The following CACNB2 variants were observed in gnomAD, a reference collection of about 807,000 sequenced individuals.
The protein encoded by CACNB2 is calcium voltage-gated channel auxiliary subunit beta 2.
A neutral mutation model predicts 73.3 loss-of-function variants in CACNB2; 42 were observed. That is an observed-to-expected ratio of 0.57 (90% CI 0.45 to 0.74). The LOEUF (loss-of-function observed/expected upper bound fraction) is 0.74, where lower values mean the gene tolerates loss of function less well. Ranked by LOEUF, CACNB2 falls within the 30% of genes least tolerant of loss-of-function variation. CACNB2 has a pLI of 0.00. For synonymous variants in CACNB2, 348 were observed against 310.3 expected (o/e 1.12, Z -1.28); for missense variants, 940 against 853.0 (o/e 1.10, Z -1.27).
intron 4 of CACNB2, 115 bp downstream of exon 4, chr10:18,498,592 T>A: frequency 2.0e-6 from 2 of 1,012,836 alleles, no homozygotes. Flanking sequence ...GCTGCAGTTG[T>A]ATAACACACA....
Position 18,295,998 on chromosome 10 carries a change from G to GTT in CACNB2, c.214-105901_214-105900dup, listed in dbSNP as rs34043231. Among the ~76,000 whole-genome samples, 79 of 60,784 alleles carry GTT rather than the reference G, an allele frequency of 1.3e-3. 4 individuals carry two copies. The highest frequency in any genetic ancestry group is 3.1e-3 in the East Asian group (5 of 1,638). The allele number at this position is 60,784 out of a possible 152,430, so 39.9% of individuals were successfully genotyped here. On this transcript the variant is annotated intron_variant, in intron 2 of 13. Transcript: ENST00000324631. Reference sequence around the variant, plus strand: ...TCAAAAATCACTATTCTTTTTGCGTGTTTTTTTTTTTTTTTTTTTTTTTTT... The same window carrying GTT: ...TCAAAAATCACTATTCTTTTTGCGTGTTTTTTTTTTTTTTTTTTTTTTTTTTT...
chr10:18,210,581 A>G (rs1034070249), intron 2 of CACNB2, among the ~76,000 whole-genome samples: 3 of 152,148 alleles, frequency 2.0e-5, no homozygotes, highest in Non-Finnish European at 2.9e-5. Context: ...CCACCTGTAT[A>G]ACGCTGAGTT....
chr10:18,508,581 A>G (rs995027361), intron 6 of CACNB2, among the ~76,000 whole-genome samples: 3 of 152,224 alleles, frequency 2.0e-5, no homozygotes, highest in Admixed American at 2.0e-4. Flanking sequence ...ACTTCTTTCT[A>G]TATACCAGAA....
intron 5 of CACNB2, among the ~76,000 whole-genome samples, chr10:18,503,765 G>T (rs1299521179): frequency 1.3e-5 from 2 of 152,180 alleles, no homozygotes; most frequent in Non-Finnish European, 2.9e-5. Flanking sequence ...CTTGTCAAAT[G>T]ACTTGAGAAA....
At chr10:18,502,301 C>G (rs1417627680) in intron 5 of CACNB2, among the ~76,000 whole-genome samples, 6 of 102,476 alleles carry the variant, frequency 5.9e-5, no homozygotes, top group Non-Finnish European at 1.1e-4. Flanking sequence ...GAGTGAGACT[C>G]TATCTCAAAA....
At chr10:18,281,885 C>G (rs1479071703) in intron 2 of CACNB2, among the ~76,000 whole-genome samples, 1 of 143,360 alleles carries the variant, frequency 7.0e-6, no homozygotes, top group Non-Finnish European at 1.5e-5. Context: ...GAGGCTAAGG[C>G]AGGAGAATCA....
chr10:18,503,417 T>C (rs2050314319), intron 5 of CACNB2, among the ~76,000 whole-genome samples: 1 of 152,102 alleles, frequency 6.6e-6, no homozygotes, highest in South Asian at 2.1e-4. Flanking sequence ...GTCAATATGG[T>C]GAAACCCTGT....
At chr10:18,281,293 C>G (rs2131699856) in intron 2 of CACNB2, among the ~76,000 whole-genome samples, 1 of 152,300 alleles carries the variant, frequency 6.6e-6, no homozygotes, top group African/African-American at 2.4e-5. Flanking sequence ...AGGTCACACT[C>G]AAGATTATGA....
At chr10:18,193,908 A>G (rs1464390020) in intron 2 of CACNB2, among the ~76,000 whole-genome samples, 1 of 152,198 alleles carries the variant, frequency 6.6e-6, no homozygotes, top group Non-Finnish European at 1.5e-5. Context: ...ACATTGAGCA[A>G]TAAGCTTAAT....
chr10:18,141,545 A>G lies in CACNB2; in HGVS notation c.120+689A>G, dbSNP rs1329992534. Among the ~76,000 whole-genome samples, 16 of 152,022 alleles carry G rather than the reference A, an allele frequency of 1.1e-4. No homozygotes were observed. The Admixed American group carries it at 1.1e-3, about 10-fold the overall frequency. On this transcript the variant is annotated intron_variant, in intron 1 of 13. Transcript: ENST00000324631. ...TCTCCCCTGAAATGTTAGCCATTTCAGGGATCTCCAGGATCCCCTTTCTCT... is the reference window on the plus strand; with the variant it reads ...TCTCCCCTGAAATGTTAGCCATTTCGGGGATCTCCAGGATCCCCTTTCTCT...
chr10:18,367,800 T>A (rs2042417733), intron 2 of CACNB2, among the ~76,000 whole-genome samples: 1 of 152,220 alleles, frequency 6.6e-6, no homozygotes, highest in Admixed American at 6.5e-5. Context: ...TTAAACCATA[T>A]ACTTCTTTGA....
chr10:18,200,021 CAAGT>C (rs2034810310), intron 2 of CACNB2, among the ~76,000 whole-genome samples: 1 of 146,550 alleles, frequency 6.8e-6, no homozygotes, highest in Non-Finnish European at 1.5e-5. Flanking sequence ...AAAAAAGAAT[CAAGT>C]AAGATAATAG....
chr10:18,392,014 A>C (rs569313822), intron 2 of CACNB2, among the ~76,000 whole-genome samples: 2 of 152,100 alleles, frequency 1.3e-5, no homozygotes, highest in Admixed American at 6.5e-5. Flanking sequence ...GCTGCAATCA[A>C]TGGGGGTTAC....
intron 2 of CACNB2, among the ~76,000 whole-genome samples, chr10:18,385,827 G>A (rs913866554): frequency 2.6e-5 from 4 of 151,790 alleles, no homozygotes; most frequent in Admixed American, 2.6e-4. Context: ...TTTTTTATAT[G>A]TCCAAATGAT....
At chr10:18,402,977 G>T (rs942537214) in intron 3 of CACNB2, among the ~76,000 whole-genome samples, 1 of 152,318 alleles carries the variant, frequency 6.6e-6, no homozygotes, top group African/African-American at 2.4e-5. Flanking sequence ...GTGGTTAGGA[G>T]ATTCTGGTTT....
chr10:18,539,436 T>C lies in CACNB2; in HGVS notation c.1695T>C (p.Ser565=), dbSNP rs754860454. ...CGGAAACCCAGGAGAGTCGAGACTC[T>C]GCCTACGTAGAGCCAAAGGAAGATT... ...FDSETQESRD[S]AYVEPKEDYS... is the part of the protein sequence containing the mutation. Residue 565 remains serine (S), a synonymous_variant, in exon 14 of 14, where the codon TCT becomes TCC. Transcript: ENST00000324631. The C allele has an allele frequency of 6.2e-6, 10 of 1,613,902 alleles. No individual in the cohort carries two copies. The highest frequency in any genetic ancestry group is 1.3e-5 in the African/African-American group (1 of 74,894).
At chr10:18,167,717 A>G (rs2032951013) in intron 2 of CACNB2, among the ~76,000 whole-genome samples, 1 of 152,166 alleles carries the variant, frequency 6.6e-6, no homozygotes, top group African/African-American at 2.4e-5. Context: ...AGAATGGCGC[A>G]GGGGGTAGCC....
intron 2 of CACNB2, among the ~76,000 whole-genome samples, chr10:18,375,716 A>G (rs917936688): frequency 2.0e-5 from 3 of 152,206 alleles, no homozygotes; most frequent in Non-Finnish European, 4.4e-5. Flanking sequence ...TGAAGCCCAG[A>G]GAGCAAATGC....
chr10:18,340,973 C>T, intron 2 of CACNB2: 1 of 1,614,020 alleles, frequency 6.2e-7, no homozygotes, highest in Non-Finnish European at 8.5e-7. Flanking sequence ...TACATTATTC[C>T]TGGGGTAAGC....
Sources: gnomAD v4.1 joint callset for allele counts (sites outside exome capture counted in the v4.1 genomes callset) on GRCh38, gnomAD v4.1.1 for gene constraint, MANE v1.5 for transcripts, NCBI Gene and HGNC (gene_info 2026-07-23, HGNC 2026-07-21) for gene names.